Variants in SPMIP2 observed in about 807,000 individuals in gnomAD.
The protein encoded by SPMIP2 is sperm microtubule inner protein 2, also known as protein SPMIP2.
chr4:158,941,696 C>T, the SPMIP2 span, among the ~76,000 whole-genome samples: 11 of 152,098 alleles, frequency 7.2e-5, no homozygotes, highest in African/African-American at 2.7e-4. Context: ...AATTATTGTG[C>T]TTTAAATCTC....
the SPMIP2 span, among the ~76,000 whole-genome samples, chr4:159,034,030 G>A: frequency 5.9e-5 from 9 of 152,156 alleles, no homozygotes; most frequent in African/African-American, 9.7e-5. Context: ...CTAGCTACTC[G>A]GGAGACTGAG....
the SPMIP2 span, among the ~76,000 whole-genome samples, chr4:159,002,517 C>A: frequency 1.3e-5 from 2 of 152,100 alleles, no homozygotes; most frequent in Admixed American, 1.3e-4. Context: ...CTGTGCCCAG[C>A]CTAAATAATC....
chr4:158,974,005 A>AAAC, the SPMIP2 span, among the ~76,000 whole-genome samples: 1 of 151,190 alleles, frequency 6.6e-6, no homozygotes, highest in African/African-American at 2.4e-5. Context: ...AAAAAAAAAA[A>AAAC]AGACATGATA....
chr4:158,978,720 CAG>C, the SPMIP2 span, among the ~76,000 whole-genome samples: 1 of 152,256 alleles, frequency 6.6e-6, no homozygotes, highest in East Asian at 1.9e-4. Context: ...TCTGTTTTAT[CAG>C]AGAGTAGGAT....
the SPMIP2 span, among the ~76,000 whole-genome samples, chr4:158,897,439 CTAATT>C: frequency 6.6e-6 from 1 of 152,200 alleles, no homozygotes; most frequent in Non-Finnish European, 1.5e-5. Context: ...AGTGATTGAA[CTAATT>C]TAGACTCCCA....
the SPMIP2 span, among the ~76,000 whole-genome samples, chr4:159,040,825 A>G: frequency 6.6e-6 from 1 of 152,198 alleles, no homozygotes; most frequent in South Asian, 2.1e-4. Flanking sequence ...CACTGAATAG[A>G]GCCACAGACT....
chr4:158,957,800 T>C, the SPMIP2 span, among the ~76,000 whole-genome samples: 2 of 152,226 alleles, frequency 1.3e-5, no homozygotes, highest in East Asian at 3.8e-4. Flanking sequence ...TCCAGGTGGG[T>C]GCCCTGGGAA....
the SPMIP2 span, among the ~76,000 whole-genome samples, chr4:158,918,294 G>A: frequency 1.3e-5 from 2 of 152,146 alleles, no homozygotes; most frequent in African/African-American, 2.4e-5. Context: ...GCCTCTTTCC[G>A]CTCCTGCCAG....
chr4:158,947,037 G>T, the SPMIP2 span, among the ~76,000 whole-genome samples: 2 of 152,180 alleles, frequency 1.3e-5, no homozygotes, highest in South Asian at 2.1e-4. Flanking sequence ...CCACTGCTCA[G>T]CTGAAGGAGA....
At chr4:158,989,084 C>A in the SPMIP2 span, among the ~76,000 whole-genome samples, 1 of 152,144 alleles carries the variant, frequency 6.6e-6, no homozygotes, top group Non-Finnish European at 1.5e-5. Context: ...TTCCTGTACA[C>A]CAATAACAGA....
chr4:158,911,577 C>A, the SPMIP2 span, among the ~76,000 whole-genome samples: 1 of 73,410 alleles, frequency 1.4e-5, no homozygotes, highest in Non-Finnish European at 2.4e-5. Flanking sequence ...TCATCAAGTC[C>A]CCCGTTCCTA....
the SPMIP2 span, among the ~76,000 whole-genome samples, chr4:159,036,760 T>C: frequency 6.6e-6 from 1 of 152,222 alleles, no homozygotes; most frequent in Non-Finnish European, 1.5e-5. Context: ...TTTGGTGTCA[T>C]TTTCTTTGGT....
chr4:159,035,049 T>C, the SPMIP2 span: 57 of 1,612,964 alleles, frequency 3.5e-5, no homozygotes, highest in Non-Finnish European at 4.3e-5. Flanking sequence ...AAATCATTTG[T>C]TTTCCCACAG....
chr4:158,903,381 T>C, the SPMIP2 span, among the ~76,000 whole-genome samples: 1 of 152,158 alleles, frequency 6.6e-6, no homozygotes, highest in Non-Finnish European at 1.5e-5. Context: ...ACCTTCTGCG[T>C]CGATCTTGCT....
chr4:158,954,400 G>A, the SPMIP2 span, among the ~76,000 whole-genome samples: 5 of 152,140 alleles, frequency 3.3e-5, no homozygotes, highest in African/African-American at 1.2e-4. Context: ...CCAGTCATGT[G>A]GAACTGTAAG....
At chr4:158,987,270 TC>T in the SPMIP2 span, among the ~76,000 whole-genome samples, 399 of 152,118 alleles carry the variant, frequency 2.6e-3, 1 homozygote, top group African/African-American at 9.0e-3. Context: ...GACCCAGCCA[TC>T]CCATTACTGG....
the SPMIP2 span, among the ~76,000 whole-genome samples, chr4:158,939,453 A>G: frequency 6.6e-6 from 1 of 150,966 alleles, no homozygotes; most frequent in East Asian, 1.9e-4. Flanking sequence ...CGAAAATATG[A>G]AAATTCTTTC....
At chr4:159,025,078 G>A in the SPMIP2 span, among the ~76,000 whole-genome samples, 1 of 152,216 alleles carries the variant, frequency 6.6e-6, no homozygotes, top group African/African-American at 2.4e-5. Flanking sequence ...CAATAAGTAA[G>A]TGGTGGAGCC....
the SPMIP2 span, among the ~76,000 whole-genome samples, chr4:158,988,997 C>T: frequency 6.6e-6 from 1 of 152,160 alleles, no homozygotes; most frequent in African/African-American, 2.4e-5. Context: ...ACAGTCTCAG[C>T]CCAAAATCTC....
Sources: allele counts gnomAD v4.1 joint callset (sites outside exome capture counted in the v4.1 genomes callset), GRCh38; gene constraint gnomAD v4.1.1; transcripts MANE v1.5; gene names NCBI Gene and HGNC (gene_info 2026-07-23, HGNC 2026-07-21).